The following HAPLN2 variants were observed in gnomAD, a reference collection of about 807,000 sequenced individuals.
HAPLN2 encodes the protein brain link protein-1.
A neutral mutation model predicts 29.3 loss-of-function variants in HAPLN2; 27 were observed. The observed-to-expected ratio is 0.92, with a 90% confidence interval of 0.68 to 1.27. The LOEUF is 1.27. Ranked by LOEUF, HAPLN2 falls within the 50% of genes most tolerant of loss-of-function variation. HAPLN2 has a pLI of 0.00. For missense variants in HAPLN2, 454 were observed against 484.3 expected, an observed-to-expected ratio of 0.94 and a Z score of 0.59; for synonymous variants, 208 against 211.7, an observed-to-expected ratio of 0.98 and a Z score of 0.15.
At chr1:156,601,559 A>G in the HAPLN2 span, 13 of 1,167,040 alleles carry the variant, frequency 1.1e-5, no homozygotes, top group Non-Finnish European at 1.6e-5. Context: ...AGGAGAAACC[A>G]TTGCGGAGCC....
the HAPLN2 span, among the ~76,000 whole-genome samples, chr1:156,602,855 C>T: frequency 1.3e-5 from 2 of 152,090 alleles, no homozygotes; most frequent in Non-Finnish European, 2.9e-5. Context: ...AGAACTAAAA[C>T]CCGAGAAAAG....
upstream of HAPLN2, among the ~76,000 whole-genome samples, chr1:156,617,115 G>C (rs1038662133): frequency 1.6e-5 from 2 of 123,282 alleles, no homozygotes; most frequent in Non-Finnish European, 3.7e-5. Flanking sequence ...AGAAAGAAAA[G>C]TATATTCAAG....
At chr1:156,611,857 A>T in the HAPLN2 span, among the ~76,000 whole-genome samples, 1 of 152,122 alleles carries the variant, frequency 6.6e-6, no homozygotes, top group Admixed American at 6.5e-5. Context: ...AACCCAGAGG[A>T]TATGGAACTT....
chr1:156,621,327 A>G (rs1211969448), intron 2 of HAPLN2, among the ~76,000 whole-genome samples: 1 of 149,570 alleles, frequency 6.7e-6, no homozygotes, highest in African/African-American at 2.5e-5. Context: ...CTGGTCTTGA[A>G]CTCCTAATCT....
chr1:156,622,766 C>T (rs1678276893), intron 2 of HAPLN2, among the ~76,000 whole-genome samples: 1 of 152,002 alleles, frequency 6.6e-6, no homozygotes, highest in African/African-American at 2.4e-5. Context: ...AACTGGGAGT[C>T]ACTTTCAAGC....
At chr1:156,610,516 T>G in the HAPLN2 span, among the ~76,000 whole-genome samples, 1 of 151,898 alleles carries the variant, frequency 6.6e-6, no homozygotes, top group Non-Finnish European at 1.5e-5. Context: ...GGCGGGAGAC[T>G]GTAATCCCAG....
intron 3 of HAPLN2, 56 bp downstream of exon 3, chr1:156,623,631 G>GGGGAAA: frequency 6.2e-7 from 1 of 1,600,070 alleles, no homozygotes; most frequent in Non-Finnish European, 8.5e-7. Flanking sequence ...CTGCAAGGGT[G>GGGGAAA]GGGAAAGGGG....
chr1:156,615,597 A>G (rs1386833589), upstream of HAPLN2, among the ~76,000 whole-genome samples: 1 of 146,998 alleles, frequency 6.8e-6, no homozygotes, highest in Non-Finnish European at 1.5e-5. Flanking sequence ...TTCAGACAGA[A>G]TCTTGGTCTA....
At chr1:156,602,447 C>G in the HAPLN2 span, among the ~76,000 whole-genome samples, 1 of 150,168 alleles carries the variant, frequency 6.7e-6, no homozygotes, top group African/African-American at 2.5e-5. Flanking sequence ...GTGGCTCATG[C>G]CTGTAATCCC....
chr1:156,624,666 G>T lies in HAPLN2; in HGVS notation c.622G>T (p.Val208Leu). ...GCTCGAGGGCTCCGTGCGCTACCCT[G>T]TGCTCACCGCACGCGCCCCGTGCGG... ...WLLEGSVRYPVLTARAPCGGR... is the reference protein window; with the variant it reads ...WLLEGSVRYPLLTARAPCGGR... The change falls in exon 6 of 7, where the codon GTG becomes TTG. Residue 208 changes from valine (V) to leucine (L), a missense_variant. Physicochemically the swap from Val to Leu is conservative, Grantham distance 32. This residue lies in a region of HAPLN2 where 235 missense variants were observed against 236.9 expected (regional missense o/e 0.99). Transcript: ENST00000255039. 1 of 1,609,116 alleles carries T rather than the reference G, an allele frequency of 6.2e-7. No individual in the cohort carries two copies.
rs554349328 is a variant in HAPLN2, at chr1:156,621,434, A to G, written c.-25+1276A>G. 9.9e-5 allele frequency among the ~76,000 whole-genome samples: 15 copies of G among 151,600 alleles called. No homozygotes were observed. The South Asian group carries it at 3.1e-3, about 32-fold the overall frequency. ...AATTTTTTTTTTTAAGGTCAGAGGGATAAGAATGATACAATAGGTGCTGGA... is the reference window on the plus strand; with the variant it reads ...AATTTTTTTTTTTAAGGTCAGAGGGGTAAGAATGATACAATAGGTGCTGGA... On this transcript the variant is annotated intron_variant, in intron 2 of 6. Transcript: ENST00000255039.
rs1430970304 is a variant in HAPLN2, at chr1:156,625,009, C to T, written c.740-92C>T. On this transcript the variant is annotated intron_variant, in intron 6 of 6. Transcript: ENST00000255039. This position sits in a 1 kb window ranked among gnomAD's most constrained non-coding sequence, Gnocchi z 5.7. The stretch of plus-strand genomic sequence containing the variant: ...CTTACCCAAGCTCGATCCAGCACCT[C>T]TGCGGTCCCGCACCCCAACTCCGCC... The T allele has an allele frequency of 2.1e-6, 3 of 1,446,418 alleles. No homozygotes were observed. Among genetic ancestry groups the T allele is most frequent in the Non-Finnish European group, 2.8e-6 (3 of 1,084,898 alleles). The allele number at this position is 1,446,418 out of a possible 1,614,324, so 89.6% of individuals were successfully genotyped here. A position where few individuals can be genotyped will look rare whatever the true frequency, so the allele number is the denominator to read the frequency against.
chr1:156,621,880 C>T (rs543765409), intron 2 of HAPLN2, among the ~76,000 whole-genome samples: 10 of 150,424 alleles, frequency 6.6e-5, no homozygotes, highest in East Asian at 1.9e-4. Context: ...TTTTTTTTAC[C>T]GGGAGGTGGA....
chr1:156,614,853 G>T (rs1454341738), upstream of HAPLN2: 1 of 152,216 alleles, frequency 6.6e-6, no homozygotes, highest in Admixed American at 6.5e-5. Flanking sequence ...AGAATGACAA[G>T]TGACATGATT....
chr1:156,625,043 G>A lies in HAPLN2; in HGVS notation c.740-58G>A. The A allele has an allele frequency of 6.6e-7, 1 of 1,514,374 alleles. No homozygotes were observed. Among genetic ancestry groups the A allele is most frequent in the Non-Finnish European group, 8.8e-7 (1 of 1,136,936 alleles). The allele number at this position is 1,514,374 out of a possible 1,614,324, so 93.8% of individuals were successfully genotyped here. ...CGCACCCCAACTCCGCCTCCTGGGTGTCAGCCGCCCCTCTCCGCCCACCCT... is the reference window on the plus strand; with the variant it reads ...CGCACCCCAACTCCGCCTCCTGGGTATCAGCCGCCCCTCTCCGCCCACCCT... On this transcript the variant is annotated intron_variant, in intron 6 of 6. Coordinates refer to ENST00000255039, the MANE Select transcript of HAPLN2 (RefSeq NM_021817.3). The surrounding 1 kb of genome is among the most constrained non-coding windows in gnomAD (Gnocchi z 5.7).
chr1:156,624,079 C>G lies in HAPLN2; in HGVS notation c.358C>G (p.Leu120Val). ...CTCCCTGGTCATCGCGGGCGTGCGC[C>G]TGGAGGACGAGGGCCGGTACCGCTG... The part of the protein sequence containing the change: ...DASLVIAGVR[L>V]EDEGRYRCEL... Residue 120 changes from leucine to valine, a missense_variant, in exon 4 of 7, where the codon CTG becomes GTG. Leu to Val is a conservative substitution (Grantham distance 32). This residue lies in a region of HAPLN2 where 204 missense variants were observed against 209.2 expected (regional missense o/e 0.98). Transcript: ENST00000255039. The G allele has an allele frequency of 6.2e-7, 1 of 1,613,656 alleles. No homozygotes were observed. Among genetic ancestry groups the G allele is most frequent in the South Asian group, 1.1e-5 (1 of 91,066 alleles).
the HAPLN2 span, among the ~76,000 whole-genome samples, chr1:156,609,941 C>T: frequency 2.2e-4 from 34 of 152,116 alleles, no homozygotes; most frequent in African/African-American, 7.2e-4. Context: ...ACAGGCTGGG[C>T]GCAGTGGCTC....
At chr1:156,616,348 C>T (rs1477026015), upstream of HAPLN2, among the ~76,000 whole-genome samples, 1 of 152,194 alleles carries the variant, frequency 6.6e-6, no homozygotes, top group Admixed American at 6.5e-5. Context: ...GTAAACTAAA[C>T]ACAGTTTGGC....
chr1:156,622,385 G>A (rs183616957), intron 2 of HAPLN2, among the ~76,000 whole-genome samples: 1 of 152,026 alleles, frequency 6.6e-6, no homozygotes, highest in Non-Finnish European at 1.5e-5. Flanking sequence ...GTCTGGGAGG[G>A]CGAGGCTGCA....
Sources: gnomAD v4.1 joint callset for allele counts (sites outside exome capture counted in the v4.1 genomes callset) on GRCh38, gnomAD v4.1.1 for gene constraint, gnomAD v4.1.1 regional missense constraint, Gnocchi (gnomAD v3.1) non-coding constraint, MANE v1.5 for transcripts, NCBI Gene and HGNC (gene_info 2026-07-23, HGNC 2026-07-21) for gene names.